The following PTPRD variants were observed in gnomAD, a reference collection of about 807,000 sequenced individuals.
PTPRD encodes protein tyrosine phosphatase receptor type D.
Under a neutral mutation model 214.5 loss-of-function variants are expected in PTPRD, and 34 were observed. That is an observed-to-expected ratio of 0.16 (90% CI 0.12 to 0.21). The LOEUF is 0.21. PTPRD is among the 10% of genes least tolerant of loss of function. The probability of loss-of-function intolerance (pLI) is 1.00; values close to 1 mark genes in which losing one functional copy is unlikely to be tolerated. For synonymous variants in PTPRD, 1,128 were observed against 845.7 expected, an observed-to-expected ratio of 1.33 and a Z score of -5.79; for missense variants, 2,545 against 2,398.7, an observed-to-expected ratio of 1.06 and a Z score of -1.27.
chr9:8,640,204 C>A (rs770918780), intron 12 of PTPRD, among the ~76,000 whole-genome samples: 1 of 152,126 alleles, frequency 6.6e-6, no homozygotes, highest in Non-Finnish European at 1.5e-5. Flanking sequence ...GCTGGAATTA[C>A]AAGTGTGAGC....
At chr9:10,330,581 A>ATATATTTATATATAT (rs1338533629) in intron 3 of PTPRD, among the ~76,000 whole-genome samples, 1 of 151,866 alleles carries the variant, frequency 6.6e-6, no homozygotes, top group Non-Finnish European at 1.5e-5. Flanking sequence ...ATTTTATTGC[A>ATATATTTATATATAT]TCACCTTAAC....
In PTPRD at chr9:10,511,395, C is replaced by T. The variant is rs780040875; in HGVS notation, c.-600+101003G>A. On this transcript the variant is annotated intron_variant, in intron 2 of 45. Transcript: ENST00000381196. ...TTTACCTCACCGGCATTTGCTGTTG[C>T]CATTTCTCTTTATTTATGTATTTAC... Among the ~76,000 whole-genome samples, 8 of 151,712 alleles carry T rather than the reference C, an allele frequency of 5.3e-5. No homozygotes were observed. The East Asian group carries it at 1.6e-3, about 29-fold the overall frequency.
intron 10 of PTPRD, among the ~76,000 whole-genome samples, chr9:9,178,167 A>G (rs2099926054): frequency 6.6e-6 from 1 of 151,990 alleles, no homozygotes; most frequent in African/African-American, 2.4e-5. Flanking sequence ...GCTTAGTTTA[A>G]TCAGAGTGTG....
chr9:8,315,638 A>ATAT lies in PTPRD; in HGVS notation c.*2233_*2235dup, dbSNP rs1821243881. 4.4e-6 allele frequency: 1 copy of ATAT among 228,090 alleles called. No individual in the cohort carries two copies. The allele number at this position is 228,090 out of a possible 1,614,324, so 14.1% of individuals were successfully genotyped here. On this transcript the variant is annotated 3_prime_UTR_variant, in exon 46 of 46. Coordinates refer to ENST00000381196, the MANE Select transcript of PTPRD (RefSeq NM_002839.4). Reference sequence around the variant, plus strand: ...TAGATACTTTTTTTTAGTATTATATATATTTTCTTTTTTTTCTTTTTCTTT... The same window carrying ATAT: ...TAGATACTTTTTTTTAGTATTATATATATTATTTTCTTTTTTTTCTTTTTCTTT...
chr9:10,234,903 C>T (rs1400639152), intron 3 of PTPRD, among the ~76,000 whole-genome samples: 1 of 151,748 alleles, frequency 6.6e-6, no homozygotes, highest in Non-Finnish European at 1.5e-5. Flanking sequence ...ACCCTTAATA[C>T]ATGTTTCTAA....
intron 11 of PTPRD, among the ~76,000 whole-genome samples, chr9:8,965,780 C>G (rs2117105): frequency 0.038 from 5,846 of 152,170 alleles, 312 homozygotes; most frequent in East Asian, 0.2. Flanking sequence ...ATCAGAAGTT[C>G]TAGCCAGAGC....
intron 9 of PTPRD, among the ~76,000 whole-genome samples, chr9:9,271,739 T>C (rs1427368759): frequency 6.6e-6 from 1 of 151,354 alleles, no homozygotes; most frequent in Non-Finnish European, 1.5e-5. Flanking sequence ...GAAAATGTTT[T>C]TTCTGAGACT....
At chr9:9,130,399 C>G (rs529398854) in intron 10 of PTPRD, among the ~76,000 whole-genome samples, 2 of 152,216 alleles carry the variant, frequency 1.3e-5, no homozygotes, top group South Asian at 2.1e-4. Flanking sequence ...TAAACAGAAT[C>G]CTTCTTAACA....
chr9:10,215,094 C>T (rs1261152073), intron 3 of PTPRD, among the ~76,000 whole-genome samples: 1 of 151,934 alleles, frequency 6.6e-6, no homozygotes, highest in African/African-American at 2.4e-5. Flanking sequence ...ATCTTGCCTC[C>T]AAGCACAATC....
intron 3 of PTPRD, among the ~76,000 whole-genome samples, chr9:10,168,204 T>A (rs1255349939): frequency 1.3e-5 from 2 of 152,230 alleles, no homozygotes; most frequent in Non-Finnish European, 2.9e-5. Context: ...ACATCTTACA[T>A]AATAATGTAA....
intron 11 of PTPRD, among the ~76,000 whole-genome samples, chr9:8,767,926 T>C (rs2154481380): frequency 6.6e-6 from 1 of 152,244 alleles, no homozygotes; most frequent in South Asian, 2.1e-4. Flanking sequence ...TAACTAAACA[T>C]GGTGAGAATT....
chr9:9,115,474 A>T (rs2099811518), intron 10 of PTPRD, among the ~76,000 whole-genome samples: 1 of 152,182 alleles, frequency 6.6e-6, no homozygotes, highest in Admixed American at 6.5e-5. Flanking sequence ...AAAAGTAAAA[A>T]ACAATAGACG....
chr9:9,422,811 C>A (rs974950729), intron 8 of PTPRD, among the ~76,000 whole-genome samples: 2 of 152,136 alleles, frequency 1.3e-5, no homozygotes, highest in African/African-American at 4.8e-5. Context: ...TTCCTTGAGA[C>A]CTTTGCAGTT....
chr9:10,605,560 A>G (rs2079078837), intron 2 of PTPRD, among the ~76,000 whole-genome samples: 1 of 151,808 alleles, frequency 6.6e-6, no homozygotes, highest in African/African-American at 2.4e-5. Flanking sequence ...CAACTGCCTA[A>G]TAAGCAACAC....
At chr9:9,779,078 C>CA (rs869120926) in intron 5 of PTPRD, among the ~76,000 whole-genome samples, 10,198 of 45,644 alleles carry the variant, frequency 0.22, 2,884 homozygotes, top group Non-Finnish European at 0.25. Context: ...ATAAGACTGA[C>CA]AAAAAAAAAA....
intron 9 of PTPRD, among the ~76,000 whole-genome samples, chr9:9,362,453 A>G (rs1028628877): frequency 2.6e-5 from 4 of 151,248 alleles, no homozygotes; most frequent in African/African-American, 9.7e-5. Context: ...CAATTCAAGG[A>G]TGATACAGTT....
chr9:10,552,897 C>G (rs1401475526), intron 2 of PTPRD, among the ~76,000 whole-genome samples: 2 of 152,176 alleles, frequency 1.3e-5, no homozygotes, highest in Non-Finnish European at 2.9e-5. Context: ...TCCCATGACT[C>G]TCCCAATAGA....
intron 3 of PTPRD, among the ~76,000 whole-genome samples, chr9:10,065,041 T>G (rs1291313767): frequency 6.6e-6 from 1 of 151,878 alleles, no homozygotes; most frequent in Admixed American, 6.6e-5. Context: ...AAAAAGATGT[T>G]TCAAAGCATA....
chr9:9,271,037 T>C (rs1057308801), intron 9 of PTPRD, among the ~76,000 whole-genome samples: 2 of 151,290 alleles, frequency 1.3e-5, no homozygotes, highest in African/African-American at 4.8e-5. Context: ...ATGTTAAGTT[T>C]AAAGTGCTTA....
Sources: gnomAD v4.1 joint callset for allele counts (sites outside exome capture counted in the v4.1 genomes callset) on GRCh38, gnomAD v4.1.1 for gene constraint, MANE v1.5 for transcripts, NCBI Gene and HGNC (gene_info 2026-07-23, HGNC 2026-07-21) for gene names.